Variants in GIN1 observed in about 807,000 individuals in gnomAD.
GIN1 encodes gypsy retrotransposon integrase 1, also known as gypsy retrotransposon integrase-like protein 1.
In GIN1, 41 loss-of-function variants were observed where a neutral mutation model predicts 51.4. The observed-to-expected ratio is 0.80, with a 90% CI of 0.62 to 1.04. GIN1 has a LOEUF of 1.04. Ranked by LOEUF, GIN1 falls within the 50% of genes least tolerant of loss-of-function variation. GIN1 has a pLI of 0.00. For missense variants in GIN1, 610 were observed against 612.4 expected (o/e 1.00, Z 0.04); for synonymous variants, 222 against 206.5 (o/e 1.07, Z -0.64).
chr5:103,092,376 ACAAATTACAGCTT>A (rs1308259567), intron 7 of GIN1, among the ~76,000 whole-genome samples: 1 of 152,170 alleles, frequency 6.6e-6, no homozygotes, highest in Non-Finnish European at 1.5e-5. Context: ...AAAAATAAAT[ACAAATTACAGCTT>A]CAAAAAAGTC....
At chr5:103,118,025 A>T (rs1256982901) in intron 1 of GIN1, among the ~76,000 whole-genome samples, 1 of 152,186 alleles carries the variant, frequency 6.6e-6, no homozygotes, top group Admixed American at 6.5e-5. Flanking sequence ...TAAATGAGGA[A>T]TGGAAAGAGT....
chr5:103,110,816 G>GA (rs1787861436), intron 1 of GIN1, among the ~76,000 whole-genome samples: 1 of 152,072 alleles, frequency 6.6e-6, no homozygotes, highest in Non-Finnish European at 1.5e-5. Flanking sequence ...CCACTAAATG[G>GA]AAACAGTAAA....
chr5:103,088,139 G>C lies in GIN1; in HGVS notation c.1328C>G (p.Ala443Gly). The C allele has an allele frequency of 6.2e-7, 1 of 1,604,160 alleles. No individual in the cohort carries two copies. Among genetic ancestry groups the C allele is most frequent in the Non-Finnish European group, 8.5e-7 (1 of 1,173,636 alleles). Residue 443 changes from alanine to glycine, a missense_variant, in exon 8 of 8, where the codon GCA becomes GGA. Transcript: ENST00000399004. ...SLYLLQGSVV[A>G]DHDYIGLPEI... Reference sequence around the variant, plus strand: ...AGGCAATCCAATGTAGTCATGATCTGCCACTACTGAACCTTGCAAGAGATA... The same window carrying C: ...AGGCAATCCAATGTAGTCATGATCTCCCACTACTGAACCTTGCAAGAGATA...
rs139713982 is a variant in GIN1, at chr5:103,099,380, A to G, written c.640-1599T>C. 3.7e-4 allele frequency among the ~76,000 whole-genome samples: 56 copies of G among 151,926 alleles called. 1 individual carries two copies. In the East Asian group the frequency reaches 9.5e-3, roughly 26 times the overall value. ...ATATATATTGGGATAATATATATAC[A>G]ATATATATTAATATATTGAGATAGG... On this transcript the variant is annotated intron_variant, in intron 4 of 7. Transcript: ENST00000399004.
At chr5:103,098,464 G>A (rs1205780921) in intron 4 of GIN1, among the ~76,000 whole-genome samples, 1 of 152,100 alleles carries the variant, frequency 6.6e-6, no homozygotes, top group Non-Finnish European at 1.5e-5. Flanking sequence ...TTAACTTTGA[G>A]TTTAATTTTT....
At chr5:103,105,945 T>C (rs1167550797) in intron 3 of GIN1, among the ~76,000 whole-genome samples, 2 of 152,178 alleles carry the variant, frequency 1.3e-5, no homozygotes, top group African/African-American at 4.8e-5. Context: ...ATGAAGGTCT[T>C]TGGAATACCT....
intron 1 of GIN1, among the ~76,000 whole-genome samples, chr5:103,108,946 A>G (rs1279913709): frequency 1.3e-5 from 2 of 151,966 alleles, no homozygotes; most frequent in African/African-American, 4.8e-5. Context: ...TTTCCATTTG[A>G]TAAGAAATGC....
At chr5:103,103,457 T>C (rs1293469315) in intron 4 of GIN1, among the ~76,000 whole-genome samples, 1 of 152,238 alleles carries the variant, frequency 6.6e-6, no homozygotes, top group Admixed American at 6.5e-5. Flanking sequence ...TCCTATCTAC[T>C]AGTTAATACA....
At chr5:103,098,309 C>T (rs1178941311) in intron 4 of GIN1, among the ~76,000 whole-genome samples, 1 of 151,362 alleles carries the variant, frequency 6.6e-6, no homozygotes, top group African/African-American at 2.4e-5. Flanking sequence ...TCACACTAGA[C>T]ACTTTACATT....
chr5:103,104,608 T>C lies in GIN1; in HGVS notation c.572A>G (p.Asn191Ser). 6.4e-7 allele frequency: 1 copy of C among 1,572,816 alleles called. No homozygotes were observed. The highest frequency in any genetic ancestry group is 1.1e-5 in the South Asian group (1 of 90,138). Residue 191 changes from asparagine (N) to serine (S), a missense_variant, in exon 4 of 8, where the codon AAT (asparagine) becomes AGT (serine). Transcript: ENST00000399004. Reference protein sequence around the residue: ...SASEVSKAIINIFFLYGPPQK... With the variant: ...SASEVSKAIISIFFLYGPPQK... The stretch of plus-strand genomic sequence containing the variant: ...AGGAGGTCCATATAAGAAAAATATA[T>C]TGATAATAGCTTTAGAAACTTCTGA...
Position 103,088,074 on chromosome 5 carries a change from C to G in GIN1, c.1393G>C (p.Glu465Gln). The change falls in exon 8 of 8, where the codon GAA becomes CAA. Residue 465 changes from glutamate (E) to glutamine (Q), a missense_variant. Physicochemically the swap from Glu to Gln is conservative, Grantham distance 29. Transcript: ENST00000399004. Reference sequence around the variant, plus strand: ...TCGACTATACCAATAGTTGCATCTTCCACCAGAATATTTGCTTGATATGCT... The same window carrying G: ...TCGACTATACCAATAGTTGCATCTTGCACCAGAATATTTGCTTGATATGCT... The part of the protein sequence containing the change: ...IGAYQANILV[E>Q]DATIGIVDNE... 6.2e-7 allele frequency: 1 copy of G among 1,610,378 alleles called. No individual in the cohort carries two copies. Among genetic ancestry groups the G allele is most frequent in the Non-Finnish European group, 8.5e-7 (1 of 1,176,854 alleles).
chr5:103,097,386 C>T lies in GIN1; in HGVS notation c.936G>A (p.Met312Ile). Residue 312 changes from methionine (M) to isoleucine (I), a missense_variant, in exon 6 of 8, where the codon ATG (methionine) becomes ATA (isoleucine). Physicochemically the swap from Met to Ile is conservative, Grantham distance 10. Coordinates refer to ENST00000399004, the MANE Select transcript of GIN1 (RefSeq NM_017676.2). The part of the protein sequence containing the change: ...LHEVDGDNTS[M>I]FAKILDAIKE... ...TAATTGCATCTAGAATTTTGGCAAA[C>T]ATACTTGTATTATCACCATCCACTT... 6.3e-7 allele frequency: 1 copy of T among 1,592,018 alleles called. No individual in the cohort carries two copies. Among genetic ancestry groups the T allele is most frequent in the Non-Finnish European group, 8.6e-7 (1 of 1,160,296 alleles).
chr5:103,095,064 G>GT (rs1787354035), intron 7 of GIN1, among the ~76,000 whole-genome samples: 1 of 152,194 alleles, frequency 6.6e-6, no homozygotes, highest in Non-Finnish European at 1.5e-5. Flanking sequence ...AAGGCATAGG[G>GT]TAAGTGTAGG....
rs553528996 is a variant in GIN1 at position 103,108,652 on chromosome 5, T to C, written c.56A>G (p.Lys19Arg). ...AGTTGAATGATATTCACCAGTTCGTTTGTAATATGCAATCTGTTTAAGATG... is the reference window on the plus strand; with the variant it reads ...AGTTGAATGATATTCACCAGTTCGTCTGTAATATGCAATCTGTTTAAGATG... ...DLHLKQIAYY[K>R]RTGEYHSTTL... The change falls in exon 2 of 8, where the codon AAA (lysine) becomes AGA (arginine). Residue 19 changes from lysine (K) to arginine (R), a missense_variant. Coordinates refer to ENST00000399004, the MANE Select transcript of GIN1 (RefSeq NM_017676.2). 3.7e-6 allele frequency: 6 copies of C among 1,604,170 alleles called. No homozygotes were observed. Among genetic ancestry groups the C allele is most frequent in the East Asian group, 2.2e-5 (1 of 44,724 alleles).
chr5:103,108,801 T>C lies in GIN1; in HGVS notation c.-7-87A>G, dbSNP rs186597966. ...TTAAGACTTCTGTCATATTTCTATT[T>C]ACATATGAACCGAGAATTCCCAGAA... On this transcript the variant is annotated intron_variant, in intron 1 of 7. Coordinates refer to ENST00000399004, the MANE Select transcript of GIN1 (RefSeq NM_017676.2). 177 of 847,434 alleles carry C rather than the reference T, an allele frequency of 2.1e-4. No homozygotes were observed. In the African/African-American group the frequency reaches 2.8e-3, roughly 13 times the overall value. 52.5% of individuals were successfully genotyped at this position (847,434 alleles called of 1,614,324 possible).
chr5:103,108,359 G>C (rs1554196560), intron 2 of GIN1, among the ~76,000 whole-genome samples: 1 of 151,998 alleles, frequency 6.6e-6, no homozygotes, highest in African/African-American at 2.4e-5. Context: ...ATCATATTCT[G>C]TCTATAATTT....
chr5:103,096,708 T>C lies in GIN1; in HGVS notation c.1127A>G (p.Asn376Ser). ...VGHEVLRQRK[N>S]WWKDGRFQSE... ...CTGAAAACGACCATCCTTCCACCAA[T>C]TTTTCCTTTGTCTTAAAACTTCATG... The change falls in exon 7 of 8, where the codon AAT (asparagine) becomes AGT (serine). Residue 376 changes from asparagine (N) to serine (S), a missense_variant. Asn to Ser is a conservative substitution (Grantham distance 46). Transcript: ENST00000399004. The C allele has an allele frequency of 6.2e-7, 1 of 1,614,028 alleles. No homozygotes were observed. Among genetic ancestry groups the C allele is most frequent in the South Asian group, 1.1e-5 (1 of 91,076 alleles).
intron 1 of GIN1, 96 bp downstream of exon 1, chr5:103,119,968 G>T (rs978650876): frequency 1.3e-5 from 2 of 154,012 alleles, no homozygotes; most frequent in Admixed American, 1.3e-4. Flanking sequence ...CCCTTCCTTA[G>T]GCCGGTCGAG....
chr5:103,105,513 T>C (rs546774832), intron 3 of GIN1, among the ~76,000 whole-genome samples: 16 of 152,358 alleles, frequency 1.1e-4, no homozygotes, highest in African/African-American at 2.6e-4. Context: ...ACCATATTTA[T>C]TGAAATATAA....
Sources: allele counts gnomAD v4.1 joint callset (sites outside exome capture counted in the v4.1 genomes callset), GRCh38; gene constraint gnomAD v4.1.1; transcripts MANE v1.5; gene names NCBI Gene and HGNC (gene_info 2026-07-23, HGNC 2026-07-21).